Variants in FBXL2 observed in about 807,000 individuals in gnomAD.
The protein encoded by FBXL2 is F-box/LRR-repeat protein 2.
A neutral mutation model predicts 69.2 loss-of-function variants in FBXL2; 38 were observed. The ratio of observed to expected loss-of-function variants is 0.55; its 90% CI spans 0.42 to 0.72. FBXL2 has a LOEUF of 0.72. Ranked by LOEUF, FBXL2 falls within the 30% of genes least tolerant of loss-of-function variation. The pLI is 0.00. For synonymous variants in FBXL2, 192 were observed against 201.3 expected, an observed-to-expected ratio of 0.95 and a Z score of 0.39; for missense variants, 354 against 520.3, an observed-to-expected ratio of 0.68 and a Z score of 3.11.
intron 2 of FBXL2, among the ~76,000 whole-genome samples, chr3:33,322,074 T>TA (rs2125798298): frequency 7.9e-6 from 1 of 126,698 alleles, no homozygotes; most frequent in African/African-American, 3.1e-5. Flanking sequence ...ATTTTTTTTT[T>TA]TTTTTTTTTT....
chr3:33,322,064 ATTTTTTTTTTTTTTTTTTTT>A (rs34703817), intron 2 of FBXL2, among the ~76,000 whole-genome samples: 12 of 62,444 alleles, frequency 1.9e-4, no homozygotes, highest in Non-Finnish European at 3.0e-4. Flanking sequence ...TGACTAGGTG[ATTTTTTTTTTTTTTTTTTTT>A]TTTTTTTTTT....
chr3:33,304,330 T>C (rs1312031753), intron 2 of FBXL2, among the ~76,000 whole-genome samples: 1 of 152,136 alleles, frequency 6.6e-6, no homozygotes, highest in African/African-American at 2.4e-5. Context: ...TCTTGCTTCT[T>C]AAAACTTTTT....
At chr3:33,291,267 C>G (rs1037241362) in intron 1 of FBXL2, among the ~76,000 whole-genome samples, 1 of 152,004 alleles carries the variant, frequency 6.6e-6, no homozygotes, top group South Asian at 2.1e-4. Context: ...TTTTCTTAAG[C>G]AAATCTGCTA....
intron 2 of FBXL2, among the ~76,000 whole-genome samples, chr3:33,357,576 T>C (rs1441844226): frequency 1.5e-5 from 2 of 132,906 alleles, no homozygotes; most frequent in South Asian, 2.6e-4. Flanking sequence ...GTCGCCCAGG[T>C]TGGAGTGCAG....
chr3:33,326,516 AAAAAG>A (rs1433985416), intron 2 of FBXL2, among the ~76,000 whole-genome samples: 2 of 151,922 alleles, frequency 1.3e-5, no homozygotes, highest in African/African-American at 4.8e-5. Context: ...AAAAAAAAAA[AAAAAG>A]AAAAGAAAAT....
intron 2 of FBXL2, among the ~76,000 whole-genome samples, chr3:33,350,005 C>A (rs370243099): frequency 6.6e-6 from 1 of 151,940 alleles, no homozygotes; most frequent in Non-Finnish European, 1.5e-5. Flanking sequence ...TAATATTGTC[C>A]GGGAAATGGA....
chr3:33,406,239 T>C (rs1475081516), downstream of FBXL2, among the ~76,000 whole-genome samples: 1 of 152,042 alleles, frequency 6.6e-6, no homozygotes, highest in African/African-American at 2.4e-5. Flanking sequence ...TGAAAGCCCA[T>C]CTCAAAAAAA....
upstream of FBXL2, chr3:33,277,184 T>TAAAA (rs140090442): frequency 6.8e-6 from 2 of 293,236 alleles, no homozygotes; most frequent in Non-Finnish European, 6.1e-6. Context: ...AACGTTTTTT[T>TAAAA]TAAAAAAAAA....
chr3:33,419,469 A>C, the FBXL2 span, among the ~76,000 whole-genome samples: 1 of 152,164 alleles, frequency 6.6e-6, no homozygotes, highest in African/African-American at 2.4e-5. Flanking sequence ...CTCTACTAAA[A>C]ATGCAAAAAC....
chr3:33,293,762 C>T (rs1170389885), intron 1 of FBXL2, among the ~76,000 whole-genome samples: 1 of 152,062 alleles, frequency 6.6e-6, no homozygotes, highest in Non-Finnish European at 1.5e-5. Flanking sequence ...TGTCATTCAC[C>T]ACTAACCCCA....
the FBXL2 span, chr3:33,409,136 C>A: frequency 8.7e-7 from 1 of 1,142,866 alleles, no homozygotes; most frequent in South Asian, 1.4e-5. Flanking sequence ...CAAACTGCCA[C>A]CCAATCTTCC....
At chr3:33,322,064 ATTTTTTTTTTTTTTTTTTT>A (rs34703817) in intron 2 of FBXL2, among the ~76,000 whole-genome samples, 6 of 62,444 alleles carry the variant, frequency 9.6e-5, no homozygotes, top group Non-Finnish European at 1.6e-4. Context: ...TGACTAGGTG[ATTTTTTTTTTTTTTTTTTT>A]TTTTTTTTTT....
At chr3:33,372,537 A>G (rs1283301684) in intron 5 of FBXL2, 1 of 159,568 alleles carries the variant, frequency 6.3e-6, no homozygotes, top group African/African-American at 2.4e-5. Flanking sequence ...TGGCCTTGCT[A>G]CCAACCCACA....
At chr3:33,396,897 C>T (rs1242509506) in intron 12 of FBXL2, 10 of 761,034 alleles carry the variant, frequency 1.3e-5, no homozygotes, top group African/African-American at 6.9e-5. Flanking sequence ...GTACACAAAA[C>T]AGTCTTCTTG....
At chr3:33,421,979 G>C in the FBXL2 span, among the ~76,000 whole-genome samples, 1 of 152,082 alleles carries the variant, frequency 6.6e-6, no homozygotes, top group Non-Finnish European at 1.5e-5. Context: ...GGGTGGCAGA[G>C]GTTGCAGTGA....
intron 2 of FBXL2, among the ~76,000 whole-genome samples, chr3:33,315,447 TA>T (rs199821045): frequency 2.6e-3 from 372 of 143,330 alleles, no homozygotes; most frequent in Middle Eastern, 3.6e-3. Flanking sequence ...AATGTCAGTT[TA>T]AAAAAAAAAA....
intron 1 of FBXL2, chr3:33,289,517 G>C (rs2035008912): frequency 6.6e-6 from 1 of 152,146 alleles, no homozygotes; most frequent in African/African-American, 2.4e-5. Flanking sequence ...GGAAAGTAAT[G>C]AGTGAGCCTT....
chr3:33,281,444 T>C (rs563261850), intron 1 of FBXL2, among the ~76,000 whole-genome samples: 28 of 152,294 alleles, frequency 1.8e-4, no homozygotes, highest in African/African-American at 6.5e-4. Context: ...CAGTCTATCA[T>C]TGTTGGACAT....
intron 1 of FBXL2, among the ~76,000 whole-genome samples, chr3:33,290,869 G>A (rs949228358): frequency 1.3e-5 from 2 of 151,542 alleles, no homozygotes; most frequent in African/African-American, 4.8e-5. Flanking sequence ...TATATATAAA[G>A]GTGAACAGTA....
Sources: allele counts gnomAD v4.1 joint callset (sites outside exome capture counted in the v4.1 genomes callset), GRCh38; gene constraint gnomAD v4.1.1; transcripts MANE v1.5; gene names NCBI Gene and HGNC (gene_info 2026-07-23, HGNC 2026-07-21).